Variants in DMRT1 observed in about 807,000 individuals in gnomAD.
The protein encoded by DMRT1 is doublesex and mab-3 related transcription factor 1.
DMRT1 carries 7 observed loss-of-function variants against 32.3 expected under a neutral mutation model. That is an observed-to-expected ratio of 0.22 (90% CI 0.12 to 0.41). DMRT1 has a LOEUF of 0.41. DMRT1 is among the 10% of genes least tolerant of loss of function. The pLI is 1.00. For synonymous variants in DMRT1, 278 were observed against 206.1 expected, an observed-to-expected ratio of 1.35 and a Z score of -2.99; for missense variants, 625 against 500.5, an observed-to-expected ratio of 1.25 and a Z score of -2.37.
chr9:844,724 T>C (rs1220873835), intron 1 of DMRT1, among the ~76,000 whole-genome samples: 17 of 146,256 alleles, frequency 1.2e-4, no homozygotes, highest in South Asian at 4.7e-4. Flanking sequence ...TCTTTCTTTT[T>C]TTTTTTTTTT....
At chr9:861,945 G>A (rs1211752795) in intron 2 of DMRT1, among the ~76,000 whole-genome samples, 1 of 150,502 alleles carries the variant, frequency 6.6e-6, no homozygotes, top group South Asian at 2.1e-4. Context: ...CAGATGATGG[G>A]CGGGCGGGCA....
intron 2 of DMRT1, among the ~76,000 whole-genome samples, chr9:862,384 C>G (rs1003125898): frequency 1.3e-5 from 2 of 151,868 alleles, no homozygotes; most frequent in African/African-American, 2.4e-5. Flanking sequence ...GCCTGCAGTC[C>G]CAGGCACGCG....
intron 4 of DMRT1, among the ~76,000 whole-genome samples, chr9:930,415 A>C (rs549012126): frequency 1.3e-5 from 2 of 151,352 alleles, no homozygotes; most frequent in African/African-American, 2.4e-5. Context: ...TTATTAAAAA[A>C]ATTTTTTTTT....
intron 4 of DMRT1, among the ~76,000 whole-genome samples, chr9:935,469 C>G (rs1297738614): frequency 6.6e-6 from 1 of 152,228 alleles, no homozygotes; most frequent in Non-Finnish European, 1.5e-5. Context: ...TTAAGTGGCT[C>G]TGCTCCTTGT....
chr9:852,557 A>T (rs10122680), intron 2 of DMRT1, among the ~76,000 whole-genome samples: 48,209 of 152,042 alleles, frequency 0.32, 8,245 homozygotes, highest in African/African-American at 0.46. Flanking sequence ...TACTTAATGC[A>T]AAGGTCTGCA....
At chr9:911,858 C>G (rs756028845) in intron 3 of DMRT1, among the ~76,000 whole-genome samples, 4 of 152,078 alleles carry the variant, frequency 2.6e-5, no homozygotes, top group African/African-American at 4.8e-5. Context: ...TAGAACTGTC[C>G]TTTTCTTCTT....
chr9:956,563 CAAAAAAAA>C (rs199499677), intron 4 of DMRT1, among the ~76,000 whole-genome samples: 1 of 84,204 alleles, frequency 1.2e-5, no homozygotes, highest in Non-Finnish European at 2.6e-5. Flanking sequence ...GACCCTGTCT[CAAAAAAAA>C]AAAAAACAAA....
intron 3 of DMRT1, among the ~76,000 whole-genome samples, chr9:910,021 T>C (rs1817917807): frequency 6.6e-6 from 1 of 152,210 alleles, no homozygotes; most frequent in South Asian, 2.1e-4. Context: ...GCTGAGTCAT[T>C]ACACTATTTG....
intron 2 of DMRT1, among the ~76,000 whole-genome samples, chr9:849,694 G>T (rs990313751): frequency 1.3e-5 from 2 of 152,190 alleles, no homozygotes; most frequent in African/African-American, 2.4e-5. Context: ...TCATTCTACA[G>T]CCTTGAACTA....
chr9:887,342 C>T (rs1056452166), intron 2 of DMRT1, among the ~76,000 whole-genome samples: 3 of 152,186 alleles, frequency 2.0e-5, no homozygotes, highest in Non-Finnish European at 2.9e-5. Context: ...ATTTAAAGCA[C>T]CTAGTCTATT....
At position 893,931 on chromosome 9, in the gene DMRT1, G is replaced by C. The variant is rs746078109; in HGVS notation, c.558G>C (p.Gln186His). 2 of 1,614,120 alleles carry C rather than the reference G, an allele frequency of 1.2e-6. No homozygotes were observed. The highest frequency in any genetic ancestry group is 4.5e-5 in the East Asian group (2 of 44,890). ...TAASEGRMVI[Q>H]DIPAVTSRGH... ...ATTTAGAGGGACGTATGGTCATCCA[G>C]GATATTCCTGCTGTCACCAGCAGAG... The change falls in exon 3 of 5, where the codon CAG (glutamine) becomes CAC (histidine). Residue 186 changes from glutamine to histidine, a missense_variant. Physicochemically the swap from Gln to His is conservative, Grantham distance 24. Around this residue, in one of 3 missense-constraint regions of DMRT1, gnomAD observed 416 missense variants for 321.6 expected, o/e 1.29. Transcript: ENST00000382276.
rs375803190 is a variant in DMRT1 at position 869,051 on chromosome 9, T to A, written c.538+21908T>A. Among the ~76,000 whole-genome samples, 4 of 152,316 alleles carry A rather than the reference T, an allele frequency of 2.6e-5. No individual in the cohort carries two copies. In the East Asian group the frequency reaches 7.7e-4, roughly 29 times the overall value. ...TAAAAATAAAAGTTAGCATCCTTTA[T>A]ATTAGCAGCTTTTTTCTTAGTGCAG... On this transcript the variant is annotated intron_variant, in intron 2 of 4. Coordinates refer to ENST00000382276, the MANE Select transcript of DMRT1 (RefSeq NM_021951.3).
In DMRT1 at chr9:847,096, G is replaced by A. The variant is rs1838939509; in HGVS notation, c.491G>A (p.Gly164Asp). 3 of 1,613,556 alleles carry A rather than the reference G, an allele frequency of 1.9e-6. No individual in the cohort carries two copies. Among genetic ancestry groups the A allele is most frequent in the Admixed American group, 1.7e-5 (1 of 60,006 alleles). The part of the protein sequence containing the change: ...SNPCLMTECS[G>D]TSQPPPASVP... ...CCGTGCCTCATGACTGAGTGCAGTG[G>A]CACCTCTCAGCCACCGCCGGCCAGT... Residue 164 changes from glycine (G) to aspartate (D), a missense_variant, in exon 2 of 5, where the codon GGC becomes GAC. Gly to Asp is a moderately conservative substitution (Grantham distance 94, BLOSUM62 -1). Around this residue, in one of 3 missense-constraint regions of DMRT1, gnomAD observed 416 missense variants for 321.6 expected, o/e 1.29. Transcript: ENST00000382276.
intron 4 of DMRT1, among the ~76,000 whole-genome samples, chr9:935,594 A>G (rs1425817648): frequency 6.6e-6 from 1 of 152,222 alleles, no homozygotes; most frequent in Admixed American, 6.5e-5. Context: ...GCCTTGTACT[A>G]CATTTCTATC....
chr9:937,580 C>T (rs965636416), intron 4 of DMRT1, among the ~76,000 whole-genome samples: 10 of 152,236 alleles, frequency 6.6e-5, no homozygotes, highest in Admixed American at 3.9e-4. Flanking sequence ...GTTTGATTTG[C>T]GTTTCACTGA....
intron 2 of DMRT1, among the ~76,000 whole-genome samples, chr9:858,078 T>A (rs7872972): frequency 0.074 from 11,269 of 152,092 alleles, 1,236 homozygotes; most frequent in African/African-American, 0.24. Flanking sequence ...ATAGTGCCGC[T>A]ATAAACATAC....
At chr9:860,815 G>A (rs776175897) in intron 2 of DMRT1, among the ~76,000 whole-genome samples, 1 of 152,192 alleles carries the variant, frequency 6.6e-6, no homozygotes, top group Non-Finnish European at 1.5e-5. Context: ...ATCAAGATCT[G>A]GGGAAAGAGC....
intron 4 of DMRT1, among the ~76,000 whole-genome samples, chr9:964,250 T>C (rs75466593): frequency 6.6e-6 from 1 of 152,072 alleles, no homozygotes; most frequent in African/African-American, 2.4e-5. Context: ...TTTTCAAAAA[T>C]AATACTCATG....
intron 4 of DMRT1, among the ~76,000 whole-genome samples, chr9:950,812 C>G (rs1428502017): frequency 6.6e-6 from 1 of 152,188 alleles, no homozygotes; most frequent in African/African-American, 2.4e-5. Context: ...CCAGAAACGA[C>G]TGTTTTCTTG....
Sources: gnomAD v4.1 joint callset for allele counts (sites outside exome capture counted in the v4.1 genomes callset) on GRCh38, gnomAD v4.1.1 for gene constraint, gnomAD v4.1.1 regional missense constraint, MANE v1.5 for transcripts, NCBI Gene and HGNC (gene_info 2026-07-23, HGNC 2026-07-21) for gene names.